Variants in EYA1 observed in about 807,000 individuals in gnomAD.
EYA1 encodes EYA transcriptional coactivator and phosphatase 1.
In EYA1, 16 loss-of-function variants were observed where a neutral mutation model predicts 82.0. That is an observed-to-expected ratio of 0.20 (90% CI 0.13 to 0.30). The LOEUF (loss-of-function observed/expected upper bound fraction) is 0.30. EYA1 is among the 10% of genes least tolerant of loss of function. The pLI, the probability that EYA1 is intolerant of heterozygous loss-of-function variation, is 1.00. For missense variants in EYA1, 633 were observed against 730.7 expected (o/e 0.87, Z 1.54); for synonymous variants, 261 against 264.4 (o/e 0.99, Z 0.12).
chr8:71,207,520 A>G (rs1373103350), intron 17 of EYA1, among the ~76,000 whole-genome samples: 1 of 152,214 alleles, frequency 6.6e-6, no homozygotes, highest in African/African-American at 2.4e-5. Context: ...TTTGCAGCAG[A>G]TATTTTTGGA....
intron 2 of EYA1, among the ~76,000 whole-genome samples, chr8:71,514,544 A>G (rs2129258893): frequency 6.6e-6 from 1 of 152,280 alleles, no homozygotes; most frequent in East Asian, 1.9e-4. Flanking sequence ...CATGGCTGGG[A>G]AGGCCTCAGA....
chr8:71,379,678 T>A (rs879813026), intron 2 of EYA1, among the ~76,000 whole-genome samples: 1 of 152,168 alleles, frequency 6.6e-6, no homozygotes, highest in Non-Finnish European at 1.5e-5. Flanking sequence ...CAATCTGCCC[T>A]CAACACTGTA....
At chr8:71,457,425 G>T (rs1340760871) in intron 2 of EYA1, among the ~76,000 whole-genome samples, 1 of 152,166 alleles carries the variant, frequency 6.6e-6, no homozygotes, top group African/African-American at 2.4e-5. Context: ...ATACCCAAAG[G>T]ATTATAAATC....
chr8:71,457,166 A>G lies in EYA1; in HGVS notation c.33+78578T>C, dbSNP rs535039586. Reference sequence around the variant, plus strand: ...CCAACAGACACATGAAAAAATGCTCATCATCATTGGCCATCAGAGAAATGC... The same window carrying G: ...CCAACAGACACATGAAAAAATGCTCGTCATCATTGGCCATCAGAGAAATGC... On this transcript the variant is annotated intron_variant, in intron 2 of 18. Transcript: ENST00000643681. Among the ~76,000 whole-genome samples the G allele has an allele frequency of 1.2e-4, 19 of 152,360 alleles. 1 individual carries two copies. In the South Asian group the frequency reaches 3.1e-3, roughly 25 times the overall value.
chr8:71,410,137 A>G (rs1216759189), intron 2 of EYA1, among the ~76,000 whole-genome samples: 1 of 151,218 alleles, frequency 6.6e-6, no homozygotes, highest in East Asian at 1.9e-4. Context: ...CCACATGATT[A>G]TTTCAATAGA....
At chr8:71,377,371 G>T (rs1260673894) in intron 2 of EYA1, among the ~76,000 whole-genome samples, 1 of 152,168 alleles carries the variant, frequency 6.6e-6, no homozygotes, top group Non-Finnish European at 1.5e-5. Flanking sequence ...AATACCAGCA[G>T]AAGGGCCATC....
chr8:71,353,418 T>C (rs1338404752), intron 3 of EYA1, among the ~76,000 whole-genome samples: 1 of 152,196 alleles, frequency 6.6e-6, no homozygotes, highest in Non-Finnish European at 1.5e-5. Context: ...TGATTGCCTA[T>C]CAAAATGGGA....
chr8:71,433,469 A>G (rs183629201), intron 2 of EYA1, among the ~76,000 whole-genome samples: 44 of 152,340 alleles, frequency 2.9e-4, no homozygotes, highest in African/African-American at 1.1e-3. Flanking sequence ...CCAGTCCATC[A>G]TATGACAATC....
chr8:71,517,858 A>G (rs1813092012), intron 2 of EYA1, among the ~76,000 whole-genome samples: 1 of 151,530 alleles, frequency 6.6e-6, no homozygotes, highest in South Asian at 2.1e-4. Context: ...ATTCCTGATC[A>G]ACATATACAA....
chr8:71,314,632 T>C (rs1376189754), intron 7 of EYA1, among the ~76,000 whole-genome samples: 1 of 152,152 alleles, frequency 6.6e-6, no homozygotes, highest in East Asian at 1.9e-4. Context: ...ATCACGTGAG[T>C]GCTCAAAAAG....
intron 3 of EYA1, among the ~76,000 whole-genome samples, chr8:71,350,614 C>T (rs893559083): frequency 1.3e-5 from 2 of 152,134 alleles, no homozygotes; most frequent in African/African-American, 4.8e-5. Flanking sequence ...GGTTTTACAT[C>T]ACCTAAAGAC....
chr8:71,335,016 T>A (rs946974545), intron 3 of EYA1, among the ~76,000 whole-genome samples: 2 of 152,286 alleles, frequency 1.3e-5, no homozygotes, highest in Non-Finnish European at 2.9e-5. Context: ...TTCTCTCTAG[T>A]TTTACATTTT....
At chr8:71,333,293 G>A (rs1202579345) in intron 4 of EYA1, among the ~76,000 whole-genome samples, 2 of 151,994 alleles carry the variant, frequency 1.3e-5, no homozygotes, top group Non-Finnish European at 2.9e-5. Flanking sequence ...ATTTCTTTTT[G>A]TTGTGGTATG....
chr8:71,479,941 A>C (rs909025497), intron 2 of EYA1, among the ~76,000 whole-genome samples: 2 of 152,212 alleles, frequency 1.3e-5, no homozygotes, highest in African/African-American at 4.8e-5. Context: ...GGAGATTGGA[A>C]ACAATGAGCT....
rs147436256 is a variant in EYA1 at position 71,300,343 on chromosome 8, G to A, written c.557-623C>T. Among the ~76,000 whole-genome samples the A allele has an allele frequency of 5.7e-3, 862 of 152,232 alleles. 12 individuals are homozygous for A. The highest frequency in any genetic ancestry group is 0.02 in the African/African-American group (840 of 41,556). On this transcript the variant is annotated intron_variant, in intron 7 of 17. Coordinates refer to ENST00000340726, the MANE Select transcript of EYA1 (RefSeq NM_000503.6). ...CATTGTTAAACAATGAACAGTAGGCGCTGTGTAAGATACAACACCTGAGCA... is the reference window on the plus strand; with the variant it reads ...CATTGTTAAACAATGAACAGTAGGCACTGTGTAAGATACAACACCTGAGCA...
intron 2 of EYA1, among the ~76,000 whole-genome samples, chr8:71,495,149 G>A (rs181718930): frequency 2.6e-3 from 391 of 152,244 alleles, no homozygotes; most frequent in Non-Finnish European, 3.6e-3. Context: ...GATAAATAGT[G>A]ATTCCATAAA....
chr8:71,238,791 T>C lies in EYA1; in HGVS notation c.1140+5812A>G, dbSNP rs112807041. 7.2e-4 allele frequency among the ~76,000 whole-genome samples: 110 copies of C among 152,214 alleles called. 1 individual carries two copies. Among genetic ancestry groups the C allele is most frequent in the African/African-American group, 2.6e-3 (106 of 41,566 alleles). On this transcript the variant is annotated intron_variant, in intron 12 of 17. Transcript: ENST00000340726. ...TTCATTTCATTAAGTAAAGCTTGTG[T>C]CTTATTGTACTGTCCAAAATTCCTA...
intron 4 of EYA1, chr8:71,323,996 T>C (rs376819938): frequency 2.1e-4 from 32 of 152,262 alleles, no homozygotes; most frequent in East Asian, 9.7e-4. Flanking sequence ...CCTGGGACAA[T>C]TGGAGTTCAA....
intron 2 of EYA1, among the ~76,000 whole-genome samples, chr8:71,453,972 T>C (rs1437661087): frequency 6.6e-6 from 1 of 152,122 alleles, no homozygotes; most frequent in African/African-American, 2.4e-5. Context: ...AGACACAGAC[T>C]GGCAAATTGG....
Sources: allele counts gnomAD v4.1 joint callset (sites outside exome capture counted in the v4.1 genomes callset), GRCh38; gene constraint gnomAD v4.1.1; transcripts MANE v1.5; gene names NCBI Gene and HGNC (gene_info 2026-07-23, HGNC 2026-07-21).